The following SELENOT variants were observed in gnomAD, a reference collection of about 807,000 sequenced individuals.
SELENOT encodes the protein thioredoxin reductase-like selenoprotein T.
In SELENOT, 9 loss-of-function variants were observed where a neutral mutation model predicts 24.3. That is an observed-to-expected ratio of 0.37 (90% confidence interval 0.22 to 0.65). SELENOT has a LOEUF of 0.65. Among genes scored for constraint, SELENOT ranks in the 30% least tolerant of loss-of-function variants. The probability of loss-of-function intolerance (pLI) is 0.60; values close to 1 mark genes in which losing one functional copy is unlikely to be tolerated. For synonymous variants in SELENOT, 81 were observed against 86.0 expected (o/e 0.94, Z 0.32); for missense variants, 166 against 247.6 (o/e 0.67, Z 2.21).
intron 1 of SELENOT, among the ~76,000 whole-genome samples, chr3:150,605,135 A>C (rs1725933907): frequency 6.6e-6 from 1 of 152,118 alleles, no homozygotes; most frequent in South Asian, 2.1e-4. Flanking sequence ...TTTATCCATT[A>C]ACTTTTTTCC....
chr3:150,606,289 C>T (rs114125921), intron 1 of SELENOT, among the ~76,000 whole-genome samples: 1,574 of 151,448 alleles, frequency 0.01, 26 homozygotes, highest in African/African-American at 0.036. Context: ...ACTGCAGACG[C>T]GCACCACCAC....
chr3:150,611,237 G>A, intron 1 of SELENOT: 1 of 1,126,316 alleles, frequency 8.9e-7, no homozygotes, highest in Non-Finnish European at 1.3e-6. Context: ...TAACATCCAA[G>A]TTTTTAGTCT....
At chr3:150,618,940 C>G (rs753190203) in intron 1 of SELENOT, 3 of 152,228 alleles carry the variant, frequency 2.0e-5, no homozygotes, top group African/African-American at 7.2e-5. Context: ...TAAGCAAGAT[C>G]TTCTTTTAGA....
chr3:150,619,839 A>G (rs1726300158), intron 1 of SELENOT, among the ~76,000 whole-genome samples: 1 of 152,218 alleles, frequency 6.6e-6, no homozygotes, highest in Non-Finnish European at 1.5e-5. Context: ...TTCACAACAG[A>G]AAAATTATTT....
intron 1 of SELENOT, among the ~76,000 whole-genome samples, chr3:150,614,391 GT>G (rs1210271861): frequency 6.6e-6 from 1 of 150,986 alleles, no homozygotes; most frequent in African/African-American, 2.4e-5. Flanking sequence ...CAGGTCAGAT[GT>G]GACTAGAAAT....
intron 1 of SELENOT, among the ~76,000 whole-genome samples, chr3:150,604,078 G>A (rs1326754838): frequency 2.6e-5 from 4 of 152,218 alleles, no homozygotes; most frequent in Middle Eastern, 3.2e-3. Flanking sequence ...GGGGTGGAAG[G>A]AAGGTCTGGG....
intron 1 of SELENOT, 47 bp downstream of exon 1, chr3:150,603,546 G>T (rs773545439): frequency 1.3e-6 from 2 of 1,528,640 alleles, no homozygotes; most frequent in East Asian, 2.4e-5. Flanking sequence ...GCCTCTGCTC[G>T]GCGCCATTGG....
intron 3 of SELENOT, 61 bp downstream of exon 3, chr3:150,623,230 T>A: frequency 7.3e-7 from 1 of 1,361,408 alleles, no homozygotes; most frequent in Non-Finnish European, 9.7e-7. Context: ...AATATTCTAA[T>A]AGATTTTCTT....
chr3:150,620,359 T>A (rs1393204382), intron 1 of SELENOT, among the ~76,000 whole-genome samples: 1 of 152,170 alleles, frequency 6.6e-6, no homozygotes, highest in Non-Finnish European at 1.5e-5. Flanking sequence ...CCTGGACATA[T>A]GAAGGATAGC....
At chr3:150,619,068 T>C (rs551063135) in intron 1 of SELENOT, 3 of 152,222 alleles carry the variant, frequency 2.0e-5, no homozygotes, top group African/African-American at 7.2e-5. Context: ...AAACTTAAGA[T>C]TTCTTAGCCG....
chr3:150,608,589 G>A (rs986790317), intron 1 of SELENOT, among the ~76,000 whole-genome samples: 2 of 152,150 alleles, frequency 1.3e-5, no homozygotes, highest in Middle Eastern at 3.2e-3. Flanking sequence ...GCAACATAGC[G>A]AGACTTTGTC....
intron 1 of SELENOT, among the ~76,000 whole-genome samples, chr3:150,617,376 G>A (rs1360614733): frequency 3.3e-5 from 5 of 152,174 alleles, no homozygotes; most frequent in Non-Finnish European, 7.3e-5. Flanking sequence ...CGAAGCGGGA[G>A]GATCACTTGA....
Position 150,627,043 on chromosome 3 carries a change from A to G in SELENOT, c.497A>G (p.His166Arg), listed in dbSNP as rs777059041. The change falls in exon 5 of 6, where the codon CAC becomes CGC. Residue 166 changes from histidine to arginine, a missense_variant. Coordinates refer to ENST00000471696, the MANE Select transcript of SELENOT (RefSeq NM_016275.5). ...GTGTGGTCTAAGCTGGAATCTGGTC[A>G]CCTTCCATCCATGCAACAACTTGTT... is the stretch of plus-strand genomic sequence containing the variant. ...VPVWSKLESG[H>R]LPSMQQLVQI... 1 of 1,613,258 alleles carries G rather than the reference A, an allele frequency of 6.2e-7. No homozygotes were observed. Among genetic ancestry groups the G allele is most frequent in the African/African-American group, 1.3e-5 (1 of 74,908 alleles).
chr3:150,615,262 T>C (rs1416742712), intron 1 of SELENOT, among the ~76,000 whole-genome samples: 4 of 151,954 alleles, frequency 2.6e-5, no homozygotes, highest in African/African-American at 9.7e-5. Flanking sequence ...CTCCAGTCTA[T>C]CATTGTTGGA....
At chr3:150,626,597 T>C (rs943345025) in intron 4 of SELENOT, among the ~76,000 whole-genome samples, 1 of 152,186 alleles carries the variant, frequency 6.6e-6, no homozygotes, top group Non-Finnish European at 1.5e-5. Context: ...TTTTCTCTTA[T>C]TTTCAGTGCC....
In SELENOT at chr3:150,626,778, G is replaced by A. The variant is rs544388664; in HGVS notation, c.464-232G>A. ...TTGTGTATATGTCCCTCCTAGTACA[G>A]TAGTGCCTTTTAGTTTTAGTTCTAA... On this transcript the variant is annotated intron_variant, in intron 4 of 5. Coordinates refer to ENST00000471696, the MANE Select transcript of SELENOT (RefSeq NM_016275.5). 7.8e-5 allele frequency: 37 copies of A among 473,596 alleles called. No homozygotes were observed. The South Asian group carries it at 1.4e-3, about 17-fold the overall frequency. 29.3% of individuals were successfully genotyped at this position (473,596 alleles called of 1,614,324 possible).
Position 150,618,651 on chromosome 3 carries a change from A to G in SELENOT, c.138-3734A>G, listed in dbSNP as rs531510921. 3.2e-4 allele frequency: 49 copies of G among 154,140 alleles called. No individual in the cohort carries two copies. The South Asian group carries it at 9.4e-3, about 29-fold the overall frequency. The allele number at this position is 154,140 out of a possible 1,614,324, so 9.5% of individuals were successfully genotyped here. On this transcript the variant is annotated intron_variant, in intron 1 of 5. Transcript: ENST00000471696. ...ATCCTCCCACCTCAGCCTCCCCAGT[A>G]GCTGGTACTTCAGATACGTGGTACC... is the stretch of plus-strand genomic sequence containing the variant.
At chr3:150,604,196 G>A (rs1452959223) in intron 1 of SELENOT, among the ~76,000 whole-genome samples, 3 of 152,216 alleles carry the variant, frequency 2.0e-5, no homozygotes, top group African/African-American at 7.2e-5. Flanking sequence ...CCCAGGAGTT[G>A]CCTGCTCTGG....
In SELENOT at chr3:150,624,887, A is replaced by G. The variant is rs761284513; in HGVS notation, c.451A>G (p.Ile151Val). Residue 151 changes from isoleucine (I) to valine (V), a missense_variant, in exon 4 of 6, where the codon ATA becomes GTA. By Grantham distance (29) the Ile-to-Val change is conservative. Around this residue, in one of 5 missense-constraint regions of SELENOT, gnomAD observed 44 missense variants for 72.2 expected, o/e 0.61. Coordinates refer to ENST00000471696, the MANE Select transcript of SELENOT (RefSeq NM_016275.5). Reference protein sequence around the residue: ...NQCMSTGAFEITLNDVPVWSK... With the variant: ...NQCMSTGAFEVTLNDVPVWSK... ...GTGTATGTCAACAGGTGCATTTGAGATAACTTTAAATGGTAGGTTCTGAAT... is the reference window on the plus strand; with the variant it reads ...GTGTATGTCAACAGGTGCATTTGAGGTAACTTTAAATGGTAGGTTCTGAAT... The G allele has an allele frequency of 1.9e-5, 30 of 1,547,556 alleles. No individual in the cohort carries two copies. Among genetic ancestry groups the G allele is most frequent in the African/African-American group, 2.7e-5 (2 of 73,226 alleles).
Sources: allele counts gnomAD v4.1 joint callset (sites outside exome capture counted in the v4.1 genomes callset), GRCh38; gene constraint gnomAD v4.1.1; regional missense constraint gnomAD v4.1.1; transcripts MANE v1.5; gene names NCBI Gene and HGNC (gene_info 2026-07-23, HGNC 2026-07-21).